Variants in ZNF235 observed in about 807,000 individuals in gnomAD.
The protein encoded by ZNF235 is zinc finger protein 235, also known as zfp-93.
Under a neutral mutation model 29.4 loss-of-function variants are expected in ZNF235, and 25 were observed. The observed-to-expected ratio is 0.85, with a 90% CI of 0.62 to 1.19. ZNF235 has a LOEUF of 1.19. Ranked by LOEUF, ZNF235 falls within the 50% of genes most tolerant of loss-of-function variation. ZNF235 has a pLI of 0.00. For synonymous variants in ZNF235, 300 were observed against 295.3 expected (o/e 1.02, Z -0.16); for missense variants, 788 against 885.0 (o/e 0.89, Z 1.39).
intron 4 of ZNF235, among the ~76,000 whole-genome samples, chr19:44,297,983 G>C (rs963428457): frequency 6.6e-5 from 10 of 151,972 alleles, no homozygotes; most frequent in Non-Finnish European, 1.3e-4. Flanking sequence ...GCTGGGTGTG[G>C]TGGTGCACAC....
At chr19:44,301,991 T>C (rs946815968) in intron 2 of ZNF235, among the ~76,000 whole-genome samples, 1 of 152,226 alleles carries the variant, frequency 6.6e-6, no homozygotes, top group Non-Finnish European at 1.5e-5. Flanking sequence ...ATCTTTAAAA[T>C]ATAATAACAT....
At chr19:44,295,164 A>C (rs1475800697) in intron 4 of ZNF235, among the ~76,000 whole-genome samples, 1 of 152,130 alleles carries the variant, frequency 6.6e-6, no homozygotes, top group Non-Finnish European at 1.5e-5. Context: ...GTTTTCTGAC[A>C]ATCTGATCTT....
chr19:44,301,245 G>A (rs1396718143), intron 2 of ZNF235, among the ~76,000 whole-genome samples: 2 of 152,046 alleles, frequency 1.3e-5, no homozygotes, highest in Non-Finnish European at 2.9e-5. Flanking sequence ...TTTTCTGTAT[G>A]GAAATTAACA....
At chr19:44,304,103 GT>G (rs373196626) in intron 1 of ZNF235, among the ~76,000 whole-genome samples, 12 of 151,434 alleles carry the variant, frequency 7.9e-5, no homozygotes, top group African/African-American at 2.7e-4. Context: ...ACTGCCACAG[GT>G]TTTTTTTTCC....
chr19:44,287,240 A>T lies in ZNF235; in HGVS notation c.2195T>A (p.Val732Asp). Reference sequence around the variant, plus strand: ...TTTCTACAGATTCCCTCCAGTGTGGACTCTCTGATGGTAGATGAGATGTGA... The same window carrying T: ...TTTCTACAGATTCCCTCCAGTGTGGTCTCTCTGATGGTAGATGAGATGTGA... ...QRSHLIYHQR[V>D]HTGGNL is the part of the protein sequence containing the mutation. The change falls in exon 5 of 5, where the codon GTC becomes GAC. Residue 732 changes from valine to aspartate, a missense_variant. Transcript: ENST00000291182. 6.2e-7 allele frequency: 1 copy of T among 1,605,886 alleles called. No individual in the cohort carries two copies. The highest frequency in any genetic ancestry group is 8.5e-7 in the Non-Finnish European group (1 of 1,175,112).
intron 2 of ZNF235, among the ~76,000 whole-genome samples, chr19:44,300,632 G>C (rs920920656): frequency 3.9e-5 from 6 of 152,056 alleles, no homozygotes; most frequent in East Asian, 1.9e-4. Flanking sequence ...TTGAGGTCAG[G>C]AGTTCAAGAC....
intron 4 of ZNF235, among the ~76,000 whole-genome samples, chr19:44,293,620 C>A (rs1379596353): frequency 6.6e-6 from 1 of 152,048 alleles, no homozygotes; most frequent in Non-Finnish European, 1.5e-5. Context: ...AGAATATACA[C>A]TCTTCTGATT....
chr19:44,290,457 T>A (rs909504926), intron 4 of ZNF235: 2 of 152,650 alleles, frequency 1.3e-5, no homozygotes, highest in African/African-American at 4.8e-5. Flanking sequence ...TGTTTTGTTT[T>A]GTTTTTTTGA....
At position 44,304,959 on chromosome 19, in the gene ZNF235, G is replaced by A. The variant is rs1322782857; in HGVS notation, c.-49+12C>T. Reference sequence around the variant, plus strand: ...GGCTCGGAGAAGTCTTGGAGACCCGGAGCTGACTCACCTCCCTGGGAGATA... The same window carrying A: ...GGCTCGGAGAAGTCTTGGAGACCCGAAGCTGACTCACCTCCCTGGGAGATA... On this transcript the variant is annotated intron_variant, in intron 1 of 4. Transcript: ENST00000291182. 1.0e-5 allele frequency: 10 copies of A among 984,914 alleles called. No individual in the cohort carries two copies. The highest frequency in any genetic ancestry group is 1.1e-5 in the Non-Finnish European group (9 of 829,550). 61.0% of individuals were successfully genotyped at this position (984,914 alleles called of 1,614,324 possible).
intron 4 of ZNF235, among the ~76,000 whole-genome samples, chr19:44,293,282 C>A (rs1039698629): frequency 6.6e-6 from 1 of 151,858 alleles, no homozygotes; most frequent in African/African-American, 2.4e-5. Flanking sequence ...GCAGGAGTAG[C>A]TATTTTTATA....
At chr19:44,289,674 G>C (rs1975559020) in intron 4 of ZNF235, 1 of 152,608 alleles carries the variant, frequency 6.6e-6, no homozygotes, top group Non-Finnish European at 1.5e-5. Context: ...GTAGAAACCA[G>C]CCAACTGCAG....
rs1975531157 is a variant in ZNF235 at position 44,288,487 on chromosome 19, T to C, written c.948A>G (p.Lys316=). 1 of 1,614,212 alleles carries C rather than the reference T, an allele frequency of 6.2e-7. No homozygotes were observed. Among genetic ancestry groups the C allele is most frequent in the Non-Finnish European group, 8.5e-7 (1 of 1,180,028 alleles). ...IPVQQSVRTG[K]KRYWCHECGK... The stretch of plus-strand genomic sequence containing the variant: ...CACATTCATGACACCAATAGCGTTT[T>C]TTCCCAGTACGAACACTTTGTTGAA... Residue 316 remains lysine (K), a synonymous_variant, in exon 5 of 5, where the codon AAA becomes AAG. Coordinates refer to ENST00000291182, the MANE Select transcript of ZNF235 (RefSeq NM_004234.4).
rs1472186747 is a variant in ZNF235 at position 44,288,565 on chromosome 19, A to G, written c.870T>C (p.Ser290=). 1.9e-6 allele frequency: 3 copies of G among 1,614,110 alleles called. No homozygotes were observed. Among genetic ancestry groups the G allele is most frequent in the Non-Finnish European group, 2.5e-6 (3 of 1,179,982 alleles). ...CCTTCTCATGTGTACTACACGCTGGAGACTTCTTTCCCAAGTGTACCTGTT... is the reference window on the plus strand; with the variant it reads ...CCTTCTCATGTGTACTACACGCTGGGGACTTCTTTCCCAAGTGTACCTGTT... ...LHKQVHLGKK[S]PACSTHEKDT... Residue 290 remains serine, a synonymous_variant, in exon 5 of 5, where the codon TCT becomes TCC. Coordinates refer to ENST00000291182, the MANE Select transcript of ZNF235 (RefSeq NM_004234.4).
intron 4 of ZNF235, among the ~76,000 whole-genome samples, chr19:44,295,983 C>G (rs1023585886): frequency 6.6e-6 from 1 of 152,120 alleles, no homozygotes; most frequent in Admixed American, 6.5e-5. Context: ...ATTTGCATTT[C>G]TAGAAATCAC....
At chr19:44,302,941 CATATTTGTATATAT>C (rs1975763582) in intron 2 of ZNF235, among the ~76,000 whole-genome samples, 1 of 61,264 alleles carries the variant, frequency 1.6e-5, no homozygotes, top group African/African-American at 9.9e-5. Context: ...TTTATATATA[CATATTTGTATATAT>C]AAATATATAC....
At chr19:44,294,137 G>A (rs547447998) in intron 4 of ZNF235, among the ~76,000 whole-genome samples, 2 of 151,994 alleles carry the variant, frequency 1.3e-5, no homozygotes, top group Admixed American at 6.6e-5. Flanking sequence ...TTTTATCTCT[G>A]AAAAGATAAA....
rs1433466030 is a variant in ZNF235 at position 44,304,957 on chromosome 19, C to G, written c.-49+14G>C. The G allele has an allele frequency of 3.0e-6, 3 of 984,984 alleles. No homozygotes were observed. Among genetic ancestry groups the G allele is most frequent in the African/African-American group, 1.7e-5 (1 of 57,238 alleles). The allele number at this position is 984,984 out of a possible 1,614,324, so 61.0% of individuals were successfully genotyped here. A position where few individuals can be genotyped will look rare whatever the true frequency, so the allele number is the denominator to read the frequency against. ...AGGGCTCGGAGAAGTCTTGGAGACC[C>G]GGAGCTGACTCACCTCCCTGGGAGA... is the stretch of plus-strand genomic sequence containing the variant. On this transcript the variant is annotated intron_variant, in intron 1 of 4. Transcript: ENST00000291182.
intron 3 of ZNF235, among the ~76,000 whole-genome samples, chr19:44,299,288 A>G (rs891779078): frequency 3.9e-5 from 6 of 152,194 alleles, no homozygotes; most frequent in African/African-American, 1.4e-4. Flanking sequence ...ATGACCCACA[A>G]GTTTAAAAAA....
rs113686844 is a variant in ZNF235 at position 44,297,227 on chromosome 19, G to A, written c.238+1581C>T. 308 of 197,398 alleles carry A rather than the reference G, an allele frequency of 1.6e-3. 1 individual carries two copies. The highest frequency in any genetic ancestry group is 6.9e-3 in the African/African-American group (292 of 42,326). The allele number at this position is 197,398 out of a possible 1,614,324, so 12.2% of individuals were successfully genotyped here. A position where few individuals can be genotyped will look rare whatever the true frequency, so the allele number is the denominator to read the frequency against. Reference sequence around the variant, plus strand: ...CCCACTCAGCCCCTACACCAAGTATGCCATCATGATCAACCAGGCCACACC... The same window carrying A: ...CCCACTCAGCCCCTACACCAAGTATACCATCATGATCAACCAGGCCACACC... On this transcript the variant is annotated intron_variant, in intron 4 of 4. Transcript: ENST00000291182.
Sources: allele counts gnomAD v4.1 joint callset (sites outside exome capture counted in the v4.1 genomes callset), GRCh38; gene constraint gnomAD v4.1.1; transcripts MANE v1.5; gene names NCBI Gene and HGNC (gene_info 2026-07-23, HGNC 2026-07-21).